The following RNF125 variants were observed in gnomAD, a reference collection of about 807,000 sequenced individuals.
RNF125 encodes the protein E3 ubiquitin-protein ligase RNF125.
A neutral mutation model predicts 26.0 loss-of-function variants in RNF125; 21 were observed. The observed-to-expected ratio is 0.81, with a 90% confidence interval of 0.57 to 1.16. RNF125 has a LOEUF of 1.16. Ranked by LOEUF, RNF125 falls within the 50% of genes most tolerant of loss-of-function variation. The pLI is 0.00. For synonymous variants in RNF125, 95 were observed against 109.2 expected (o/e 0.87, Z 0.81); for missense variants, 270 against 299.4 (o/e 0.90, Z 0.72).
intron 4 of RNF125, among the ~76,000 whole-genome samples, chr18:32,056,965 C>T (rs1341485462): frequency 6.6e-6 from 1 of 152,176 alleles, no homozygotes; most frequent in African/African-American, 2.4e-5. Context: ...GATTTTTACA[C>T]AGTCGTAGAG....
intron 1 of RNF125, among the ~76,000 whole-genome samples, chr18:32,034,271 G>A (rs1006072251): frequency 2.0e-5 from 3 of 152,086 alleles, no homozygotes; most frequent in African/African-American, 4.8e-5. Flanking sequence ...ACAACCTCGC[G>A]GATCTTCTCT....
At chr18:32,045,580 A>C in intron 3 of RNF125, 62 bp from the exon 4 acceptor site, 1 of 1,169,792 alleles carries the variant, frequency 8.5e-7, no homozygotes, top group South Asian at 1.3e-5. Flanking sequence ...AAAGAAAAAA[A>C]AAGTGACTAC....
At chr18:32,055,062 C>T (rs577079948) in intron 4 of RNF125, among the ~76,000 whole-genome samples, 1 of 152,006 alleles carries the variant, frequency 6.6e-6, no homozygotes, top group African/African-American at 2.4e-5. Flanking sequence ...TTTGGGAGGC[C>T]GAGCTGGGGG....
At chr18:32,075,246 T>G (rs535091078), downstream of RNF125, among the ~76,000 whole-genome samples, 1 of 152,290 alleles carries the variant, frequency 6.6e-6, no homozygotes. Context: ...CTGGACTCTG[T>G]GCCCACATTT....
In RNF125 at chr18:32,018,974, C is replaced by T. The variant is rs754674162; in HGVS notation, c.111C>T (p.Cys37=). ...AGTTGCCCGTCACGTCCTTCGACTG[C>T]GCCGTGTGCCTTGAGGTGTTACACC... ...DPELPVTSFD[C]AVCLEVLHQP... is the part of the protein sequence containing the mutation. The change falls in exon 1 of 6, where the codon TGC becomes TGT. Residue 37 remains cysteine, a synonymous_variant. Transcript: ENST00000217740. The T allele has an allele frequency of 6.2e-7, 1 of 1,613,756 alleles. No homozygotes were observed. The highest frequency in any genetic ancestry group is 8.5e-7 in the Non-Finnish European group (1 of 1,179,864).
chr18:32,088,920 A>G, the RNF125 span, among the ~76,000 whole-genome samples: 10 of 152,288 alleles, frequency 6.6e-5, no homozygotes, highest in Admixed American at 5.2e-4. Context: ...TGGGGGGGAA[A>G]GGTGGTTTAG....
intron 4 of RNF125, among the ~76,000 whole-genome samples, chr18:32,055,299 TA>T (rs201480477): frequency 0.096 from 13,660 of 141,862 alleles, 1,847 homozygotes; most frequent in African/African-American, 0.31. Context: ...ACCATGTCTC[TA>T]AAAAAAAAAA....
At chr18:32,085,700 CA>C in the RNF125 span, among the ~76,000 whole-genome samples, 13,347 of 61,894 alleles carry the variant, frequency 0.22, 390 homozygotes, top group African/African-American at 0.3. Context: ...AACGACTTAT[CA>C]AAAAAAAAAA....
At chr18:32,062,133 A>G (rs1257126840) in intron 4 of RNF125, among the ~76,000 whole-genome samples, 1 of 152,240 alleles carries the variant, frequency 6.6e-6, no homozygotes, top group African/African-American at 2.4e-5. Context: ...AGGTGTTATT[A>G]TCTCCATTTC....
intron 1 of RNF125, among the ~76,000 whole-genome samples, chr18:32,019,590 C>T (rs2038965875): frequency 1.3e-5 from 2 of 152,156 alleles, no homozygotes; most frequent in South Asian, 4.1e-4. Context: ...TCTTTCCACC[C>T]CCACCCCTGC....
At chr18:32,059,918 G>C (rs1302286367) in intron 4 of RNF125, among the ~76,000 whole-genome samples, 1 of 152,100 alleles carries the variant, frequency 6.6e-6, no homozygotes, top group East Asian at 1.9e-4. Flanking sequence ...AGAAACATCT[G>C]TTTCCACCCA....
intron 1 of RNF125, among the ~76,000 whole-genome samples, chr18:32,033,586 C>G (rs181227042): frequency 2.7e-5 from 4 of 149,342 alleles, no homozygotes; most frequent in African/African-American, 4.9e-5. Flanking sequence ...TTTGGGAGGC[C>G]GAGGAGTGCG....
At chr18:32,051,830 C>T (rs1432901081) in intron 4 of RNF125, among the ~76,000 whole-genome samples, 2 of 151,356 alleles carry the variant, frequency 1.3e-5, no homozygotes, top group Non-Finnish European at 2.9e-5. Flanking sequence ...GCTGGGATTA[C>T]AGGCATGCAC....
intron 4 of RNF125, among the ~76,000 whole-genome samples, chr18:32,047,602 G>C (rs2039284597): frequency 6.6e-6 from 1 of 152,098 alleles, no homozygotes; most frequent in African/African-American, 2.4e-5. Context: ...AATTTACCCT[G>C]GCTCAACAAA....
intron 3 of RNF125, among the ~76,000 whole-genome samples, chr18:32,042,974 C>T (rs1343414944): frequency 6.6e-6 from 1 of 151,582 alleles, no homozygotes; most frequent in African/African-American, 2.4e-5. Context: ...CATGGCGAAA[C>T]CCCATCTCTA....
chr18:32,019,459 A>G (rs1000333911), intron 1 of RNF125, among the ~76,000 whole-genome samples: 2 of 152,300 alleles, frequency 1.3e-5, no homozygotes, highest in Admixed American at 6.5e-5. Context: ...ACACGGTAGA[A>G]CGGGCTGCGC....
chr18:32,087,453 C>T, the RNF125 span, among the ~76,000 whole-genome samples: 1,143 of 151,732 alleles, frequency 7.5e-3, 2 homozygotes, highest in Non-Finnish European at 0.012. Context: ...GAACTGGGCC[C>T]CCAACCTGTG....
At chr18:32,053,287 G>A (rs1235260638) in intron 4 of RNF125, among the ~76,000 whole-genome samples, 1 of 152,124 alleles carries the variant, frequency 6.6e-6, no homozygotes. Flanking sequence ...GCTTGAACCC[G>A]GGAGGTGGAG....
At chr18:32,087,139 C>T in the RNF125 span, among the ~76,000 whole-genome samples, 3 of 152,088 alleles carry the variant, frequency 2.0e-5, no homozygotes, top group Non-Finnish European at 4.4e-5. Context: ...TGCGTCTCGT[C>T]ATCTGTATCT....
Sources: gnomAD v4.1 joint callset for allele counts (sites outside exome capture counted in the v4.1 genomes callset) on GRCh38, gnomAD v4.1.1 for gene constraint, MANE v1.5 for transcripts, NCBI Gene and HGNC (gene_info 2026-07-23, HGNC 2026-07-21) for gene names.